The following RIOK1 variants were observed in gnomAD, a reference collection of about 807,000 sequenced individuals.
The protein encoded by RIOK1 is RIO kinase 1, also known as serine/threonine-protein kinase RIO1.
Under a neutral mutation model 73.5 loss-of-function variants are expected in RIOK1, and 66 were observed. That is an observed-to-expected ratio of 0.90 (90% CI 0.74 to 1.10). The LOEUF (loss-of-function observed/expected upper bound fraction) is 1.10. RIOK1 is among the 50% of genes least tolerant of loss of function. The pLI, the probability that RIOK1 is intolerant of heterozygous loss-of-function variation, is 0.00. For synonymous variants in RIOK1, 224 were observed against 226.8 expected, an observed-to-expected ratio of 0.99 and a Z score of 0.11; for missense variants, 658 against 699.8, an observed-to-expected ratio of 0.94 and a Z score of 0.67.
chr6:7,411,250 T>G, intron 13 of RIOK1, 82 bp from the exon 14 acceptor site: 1 of 1,460,398 alleles, frequency 6.8e-7, no homozygotes. Context: ...TAGATTCCCC[T>G]GTAACCTGAT....
At chr6:7,399,856 C>T (rs1404411139) in intron 5 of RIOK1, among the ~76,000 whole-genome samples, 2 of 152,170 alleles carry the variant, frequency 1.3e-5, no homozygotes, top group African/African-American at 4.8e-5. Context: ...GTCCTATAGT[C>T]TTCCCAGGTG....
intron 4 of RIOK1, 90 bp downstream of exon 4, chr6:7,396,862 C>A: frequency 2.8e-6 from 2 of 702,458 alleles, no homozygotes; most frequent in Non-Finnish European, 2.5e-6. Context: ...AGAGGATGTT[C>A]ATTTGTATAC....
In RIOK1 at chr6:7,398,883, C is replaced by T. The variant is rs1001358852; in HGVS notation, c.480+143C>T. The T allele has an allele frequency of 5.1e-5, 33 of 645,442 alleles. 1 individual carries two copies. Among genetic ancestry groups the T allele is most frequent in the South Asian group, 2.9e-4 (12 of 41,846 alleles). 40.0% of individuals were successfully genotyped at this position (645,442 alleles called of 1,614,324 possible). The stretch of plus-strand genomic sequence containing the variant: ...ATAAAATTATTCCTTTTTATAGTTT[C>T]GAGTTTAGAGACCTACATCTTGCTT... On this transcript the variant is annotated intron_variant, in intron 5 of 16. Transcript: ENST00000379834.
intron 4 of RIOK1, among the ~76,000 whole-genome samples, chr6:7,397,776 A>G (rs1761508765): frequency 6.6e-6 from 1 of 152,224 alleles, no homozygotes; most frequent in African/African-American, 2.4e-5. Context: ...TTAGTGTGCT[A>G]GGTGGAGTCA....
chr6:7,403,624 A>G (rs546775988), intron 8 of RIOK1, among the ~76,000 whole-genome samples: 49 of 152,322 alleles, frequency 3.2e-4, no homozygotes, highest in Non-Finnish European at 6.6e-4. Flanking sequence ...ATTCAACACA[A>G]AAGATACTTG....
chr6:7,410,451 G>C lies in RIOK1; in HGVS notation c.1269G>C (p.Glu423Asp), dbSNP rs759592037. The C allele has an allele frequency of 4.4e-6, 7 of 1,605,628 alleles. No individual in the cohort carries two copies. Among genetic ancestry groups the C allele is most frequent in the Non-Finnish European group, 6.0e-6 (7 of 1,173,096 alleles). ...CTAGCCAAGATCATGTGGATGAAGA[G>C]GTAGGATTTATTATCTATTCACAGC... The part of the protein sequence containing the change: ...ERSSQDHVDE[E>D]VFKRAYIPRT... Residue 423 changes from glutamate to aspartate, a missense_variant and splice_region_variant, in exon 13 of 17, where the codon GAG becomes GAC. Transcript: ENST00000379834.
At chr6:7,400,225 A>G (rs1761576091) in intron 5 of RIOK1, among the ~76,000 whole-genome samples, 1 of 152,230 alleles carries the variant, frequency 6.6e-6, no homozygotes. Flanking sequence ...GAAAGGGCCA[A>G]CTAATAAATA....
intron 16 of RIOK1, among the ~76,000 whole-genome samples, chr6:7,415,609 A>T (rs1466446826): frequency 6.6e-6 from 1 of 152,230 alleles, no homozygotes; most frequent in African/African-American, 2.4e-5. Context: ...AAACAAAAAC[A>T]TCTTCCAGTT....
At chr6:7,392,106 T>A (rs1400402124) in intron 1 of RIOK1, among the ~76,000 whole-genome samples, 1 of 152,172 alleles carries the variant, frequency 6.6e-6, no homozygotes, top group Non-Finnish European at 1.5e-5. Flanking sequence ...CCTGCAGACA[T>A]GTTTTGTTTG....
At chr6:7,399,989 G>A (rs545370768) in intron 5 of RIOK1, among the ~76,000 whole-genome samples, 1 of 152,298 alleles carries the variant, frequency 6.6e-6, no homozygotes, top group South Asian at 2.1e-4. Flanking sequence ...GGGCTAGAGG[G>A]CCTGCCTGAG....
chr6:7,397,128 G>A lies in RIOK1; in HGVS notation c.437+356G>A, dbSNP rs1200702663. Among the ~76,000 whole-genome samples, 3 of 152,134 alleles carry A rather than the reference G, an allele frequency of 2.0e-5. No individual in the cohort carries two copies. The South Asian group carries it at 6.2e-4, about 31-fold the overall frequency. On this transcript the variant is annotated intron_variant, in intron 4 of 16. Coordinates refer to ENST00000379834, the MANE Select transcript of RIOK1 (RefSeq NM_031480.3). The stretch of plus-strand genomic sequence containing the variant: ...AAAATACAAAAATTAGCCAGACATG[G>A]TGGTGCACGCCTGTAATCCCAGCTA...
Position 7,414,404 on chromosome 6 carries a change from T to C in RIOK1, c.1596+14T>C. On this transcript the variant is annotated intron_variant, in intron 16 of 16. Coordinates refer to ENST00000379834, the MANE Select transcript of RIOK1 (RefSeq NM_031480.3). ...ATTGATAAAAAAGTAAGCAATGAAA[T>C]ACCTTCCCCTTTTCTTTAGTGTGGG... 3 of 1,592,924 alleles carry C rather than the reference T, an allele frequency of 1.9e-6. No homozygotes were observed. The highest frequency in any genetic ancestry group is 2.6e-6 in the Non-Finnish European group (3 of 1,171,902).
chr6:7,399,670 CT>C (rs1761565888), intron 5 of RIOK1, among the ~76,000 whole-genome samples: 1 of 152,160 alleles, frequency 6.6e-6, no homozygotes, highest in African/African-American at 2.4e-5. Context: ...TTTGTTACTT[CT>C]TCCTATGCCC....
chr6:7,410,015 C>G (rs745757998), intron 12 of RIOK1, among the ~76,000 whole-genome samples: 2 of 152,122 alleles, frequency 1.3e-5, no homozygotes, highest in Non-Finnish European at 2.9e-5. Flanking sequence ...GCCGACTGCT[C>G]AGGATTTAAG....
intron 1 of RIOK1, 123 bp from the exon 2 acceptor site, chr6:7,392,974 ATT>A: frequency 7.6e-7 from 1 of 1,318,650 alleles, no homozygotes; most frequent in Non-Finnish European, 9.8e-7. Context: ...CGGAAGGTGT[ATT>A]TTATATAAAT....
intron 16 of RIOK1, among the ~76,000 whole-genome samples, chr6:7,415,869 T>C (rs1467045811): frequency 1.3e-5 from 2 of 152,246 alleles, no homozygotes; most frequent in African/African-American, 4.8e-5. Context: ...CAAATAACTT[T>C]TACTATAGTA....
intron 12 of RIOK1, among the ~76,000 whole-genome samples, chr6:7,407,254 A>G (rs531577465): frequency 6.6e-6 from 1 of 152,306 alleles, no homozygotes; most frequent in East Asian, 1.9e-4. Flanking sequence ...ATTACCACCA[A>G]CAATGCACAA....
At chr6:7,400,862 C>A in intron 5 of RIOK1, 96 bp from the exon 6 acceptor site, 2 of 698,930 alleles carry the variant, frequency 2.9e-6, no homozygotes, top group Non-Finnish European at 5.1e-6. Flanking sequence ...TAGCGTCGTA[C>A]AGTTAAGCTC....
At chr6:7,416,575 G>A (rs1762006464) in intron 16 of RIOK1, among the ~76,000 whole-genome samples, 1 of 151,826 alleles carries the variant, frequency 6.6e-6, no homozygotes, top group Non-Finnish European at 1.5e-5. Context: ...GTGAACCCAG[G>A]AGGCGGAGCT....
Sources: allele counts gnomAD v4.1 joint callset (sites outside exome capture counted in the v4.1 genomes callset), GRCh38; gene constraint gnomAD v4.1.1; transcripts MANE v1.5; gene names NCBI Gene and HGNC (gene_info 2026-07-23, HGNC 2026-07-21).